GUCY1B1: variants seen among roughly 807,000 people sequenced by gnomAD.
The protein encoded by GUCY1B1 is guanylate cyclase soluble subunit beta-1.
Under a neutral mutation model 71.0 loss-of-function variants are expected in GUCY1B1, and 43 were observed. The observed-to-expected ratio is 0.61, with a 90% confidence interval of 0.47 to 0.78. The LOEUF is 0.78. GUCY1B1 is among the 30% of genes least tolerant of loss of function. The probability of loss-of-function intolerance (pLI) is 0.00; values close to 1 mark genes in which losing one functional copy is unlikely to be tolerated. For synonymous variants in GUCY1B1, 266 were observed against 259.7 expected (o/e 1.02, Z -0.23); for missense variants, 535 against 754.1 (o/e 0.71, Z 3.40).
At chr4:155,803,987 G>A (rs1290866732) in intron 11 of GUCY1B1, among the ~76,000 whole-genome samples, 1 of 151,900 alleles carries the variant, frequency 6.6e-6, no homozygotes, top group Admixed American at 6.6e-5. Context: ...GAAAGTCATG[G>A]GGATGAGAAA....
chr4:155,805,871 A>C (rs1004815662), intron 13 of GUCY1B1, among the ~76,000 whole-genome samples: 6 of 152,180 alleles, frequency 3.9e-5, no homozygotes, highest in African/African-American at 1.4e-4. Context: ...TCCAAAGTGG[A>C]ATCACACCTC....
intron 5 of GUCY1B1, among the ~76,000 whole-genome samples, chr4:155,792,067 A>G (rs185379313): frequency 8.7e-4 from 132 of 152,328 alleles, no homozygotes; most frequent in Non-Finnish European, 1.6e-3. Context: ...AAGTGCTTCA[A>G]TATGAACTTC....
In GUCY1B1 at chr4:155,778,552, A is replaced by T. The variant is rs1006209370; in HGVS notation, c.297+910A>T. ...CTGCATTATTGATTTAACAGCCAAAATAAGAACTTTAGTGTTTAATCAAAA... is the reference window on the plus strand; with the variant it reads ...CTGCATTATTGATTTAACAGCCAAATTAAGAACTTTAGTGTTTAATCAAAA... On this transcript the variant is annotated intron_variant, in intron 4 of 13. Coordinates refer to ENST00000264424, the MANE Select transcript of GUCY1B1 (RefSeq NM_000857.5). Among the ~76,000 whole-genome samples the T allele has an allele frequency of 3.3e-5, 5 of 152,344 alleles. No homozygotes were observed. The East Asian group carries it at 9.7e-4, about 29-fold the overall frequency.
At position 155,794,001 on chromosome 4, in the gene GUCY1B1, G is replaced by A; in HGVS notation, c.641G>A (p.Cys214Tyr). Residue 214 changes from cysteine (C) to tyrosine (Y), a missense_variant, in exon 6 of 14, where the codon TGC (cysteine) becomes TAC (tyrosine). By Grantham distance (194) the Cys-to-Tyr change is radical. Coordinates refer to ENST00000264424, the MANE Select transcript of GUCY1B1 (RefSeq NM_000857.5). Reference protein sequence around the residue: ...QESRISPYTFCKAFPFHIIFD... With the variant: ...QESRISPYTFYKAFPFHIIFD... ...TCACGCATCAGCCCATATACATTCTGCAAAGCTTTTCCTTTTCATATAATA... is the reference window on the plus strand; with the variant it reads ...TCACGCATCAGCCCATATACATTCTACAAAGCTTTTCCTTTTCATATAATA... 1 of 1,612,980 alleles carries A rather than the reference G, an allele frequency of 6.2e-7. No homozygotes were observed. The highest frequency in any genetic ancestry group is 8.5e-7 in the Non-Finnish European group (1 of 1,179,036).
chr4:155,764,383 A>C (rs1486003126), intron 2 of GUCY1B1, among the ~76,000 whole-genome samples: 2 of 152,180 alleles, frequency 1.3e-5, no homozygotes, highest in African/African-American at 4.8e-5. Context: ...TTTAATAACA[A>C]AGTTGGTTTT....
Position 155,802,219 on chromosome 4 carries a change from T to C in GUCY1B1, c.1176-123T>C, listed in dbSNP as rs1305489814. ...TATTTGATGCTAATTTTAGAGGATGTCCTGCTAGAATCCAGGCCTTTAAAG... is the reference window on the plus strand; with the variant it reads ...TATTTGATGCTAATTTTAGAGGATGCCCTGCTAGAATCCAGGCCTTTAAAG... On this transcript the variant is annotated intron_variant, in intron 9 of 13. Transcript: ENST00000264424. This position sits in a 1 kb window ranked among gnomAD's most constrained non-coding sequence, Gnocchi z 4.3. 1 of 1,519,496 alleles carries C rather than the reference T, an allele frequency of 6.6e-7. No individual in the cohort carries two copies. The highest frequency in any genetic ancestry group is 1.4e-5 in the African/African-American group (1 of 72,396). 94.1% of individuals were successfully genotyped at this position (1,519,496 alleles called of 1,614,324 possible).
chr4:155,794,917 C>T (rs1053224140), intron 6 of GUCY1B1, among the ~76,000 whole-genome samples: 1 of 152,088 alleles, frequency 6.6e-6, no homozygotes, highest in Non-Finnish European at 1.5e-5. Context: ...ATCAGTGTTA[C>T]CTATTGTTTT....
rs1299186551 is a variant in GUCY1B1 at position 155,802,165 on chromosome 4, T to C, written c.1176-177T>C. The C allele has an allele frequency of 1.4e-6, 2 of 1,401,970 alleles. No homozygotes were observed. The highest frequency in any genetic ancestry group is 2.5e-5 in the East Asian group (1 of 40,134). 86.8% of individuals were successfully genotyped at this position (1,401,970 alleles called of 1,614,324 possible). On this transcript the variant is annotated intron_variant, in intron 9 of 13. Coordinates refer to ENST00000264424, the MANE Select transcript of GUCY1B1 (RefSeq NM_000857.5). This position sits in a 1 kb window ranked among gnomAD's most constrained non-coding sequence, Gnocchi z 4.3. Reference sequence around the variant, plus strand: ...GGATGAACAAATAATTTATGTTTTCTGTAAATCCTTGCTTATAAATACAGC... The same window carrying C: ...GGATGAACAAATAATTTATGTTTTCCGTAAATCCTTGCTTATAAATACAGC...
At chr4:155,780,386 A>G (rs978055893) in intron 4 of GUCY1B1, among the ~76,000 whole-genome samples, 2 of 152,134 alleles carry the variant, frequency 1.3e-5, no homozygotes, top group Non-Finnish European at 2.9e-5. Flanking sequence ...TTCTCTGGGA[A>G]GACGCCACTC....
At chr4:155,785,308 G>C in intron 4 of GUCY1B1, 1 of 1,462,002 alleles carries the variant, frequency 6.8e-7, no homozygotes, top group Non-Finnish European at 9.2e-7. Context: ...ATTGTTTCCT[G>C]GGAATCTACT....
chr4:155,767,406 G>A (rs1209684441), intron 2 of GUCY1B1, among the ~76,000 whole-genome samples: 2 of 152,078 alleles, frequency 1.3e-5, no homozygotes, highest in Non-Finnish European at 2.9e-5. Context: ...TTGTGGATAT[G>A]TTTTCAAAAT....
chr4:155,797,854 G>A (rs1345225087), intron 8 of GUCY1B1, among the ~76,000 whole-genome samples: 1 of 151,412 alleles, frequency 6.6e-6, no homozygotes, highest in Non-Finnish European at 1.5e-5. Context: ...TAAGGATATG[G>A]ATGTCTTTTC....
chr4:155,786,916 T>C (rs551388498), intron 4 of GUCY1B1, among the ~76,000 whole-genome samples: 1 of 152,258 alleles, frequency 6.6e-6, no homozygotes, highest in South Asian at 2.1e-4. Context: ...CTCAATTTCT[T>C]TTTTAAGTGA....
rs1043018639 is a variant in GUCY1B1, at chr4:155,807,409, C to G, written c.*1000C>G. 6.6e-6 allele frequency: 1 copy of G among 152,070 alleles called. No individual in the cohort carries two copies. The highest frequency in any genetic ancestry group is 2.4e-5 in the African/African-American group (1 of 41,428). 9.4% of individuals were successfully genotyped at this position (152,070 alleles called of 1,614,324 possible). On this transcript the variant is annotated 3_prime_UTR_variant, in exon 14 of 14. Transcript: ENST00000264424. ...AATGCATTACTGTTGGAATAATTGG[C>G]CTCTAGCTCTTAAATGTCTCTGATA...
intron 2 of GUCY1B1, among the ~76,000 whole-genome samples, chr4:155,771,413 G>A (rs866816107): frequency 6.6e-6 from 1 of 152,198 alleles, no homozygotes; most frequent in African/African-American, 2.4e-5. Flanking sequence ...CAGAGGGACT[G>A]TGGATTCTGC....
At chr4:155,781,821 T>A (rs1445200290) in intron 4 of GUCY1B1, among the ~76,000 whole-genome samples, 2 of 152,026 alleles carry the variant, frequency 1.3e-5, no homozygotes, top group Non-Finnish European at 2.9e-5. Flanking sequence ...AAAGTAATAA[T>A]CTTTGGCATT....
chr4:155,785,298 ATT>A (rs1561017257), intron 4 of GUCY1B1: 1 of 1,474,392 alleles, frequency 6.8e-7, no homozygotes, highest in South Asian at 1.2e-5. Flanking sequence ...GATTTACATC[ATT>A]GTTTCCTGGG....
At chr4:155,778,168 A>T (rs1400741719) in intron 4 of GUCY1B1, among the ~76,000 whole-genome samples, 1 of 152,336 alleles carries the variant, frequency 6.6e-6, no homozygotes, top group Admixed American at 6.5e-5. Context: ...ATATTAATTA[A>T]TCTACTGTAC....
At chr4:155,784,160 C>T (rs3822005) in intron 4 of GUCY1B1, among the ~76,000 whole-genome samples, 1 of 151,854 alleles carries the variant, frequency 6.6e-6, no homozygotes, top group Non-Finnish European at 1.5e-5. Context: ...ATAGCTTTAA[C>T]GCTATTTCCA....
Sources: gnomAD v4.1 joint callset for allele counts (sites outside exome capture counted in the v4.1 genomes callset) on GRCh38, gnomAD v4.1.1 for gene constraint, Gnocchi (gnomAD v3.1) non-coding constraint, MANE v1.5 for transcripts, NCBI Gene and HGNC (gene_info 2026-07-23, HGNC 2026-07-21) for gene names.